TRPM5: variants seen among roughly 807,000 people sequenced by gnomAD.
TRPM5 encodes MLSN1 and TRP-related.
A neutral mutation model predicts 124.9 loss-of-function variants in TRPM5; 121 were observed. The observed-to-expected ratio is 0.97, with a 90% CI of 0.84 to 1.13. The LOEUF (loss-of-function observed/expected upper bound fraction) is 1.13, where lower values mean the gene tolerates loss of function less well. TRPM5 is among the 50% of genes most tolerant of loss of function. The pLI is 0.00. For synonymous variants in TRPM5, 781 were observed against 700.5 expected (o/e 1.11, Z -1.81); for missense variants, 1,643 against 1,589.1 (o/e 1.03, Z -0.58).
At chr11:2,430,941 A>C in the TRPM5 span, among the ~76,000 whole-genome samples, 5 of 150,916 alleles carry the variant, frequency 3.3e-5, no homozygotes, top group Admixed American at 1.3e-4. Context: ...GGTGGTAGTG[A>C]TGATGGTGGT....
At chr11:2,421,122 C>T (rs759154313) in exon 3 of TRPM5, 8 of 1,544,392 alleles carry the variant, frequency 5.2e-6, no homozygotes, top group Non-Finnish European at 7.0e-6. Context: ...ACGTGCTGGC[C>T]AGCGAGTGGT....
At chr11:2,416,625 C>T (rs377717802) in intron 7 of TRPM5, among the ~76,000 whole-genome samples, 10 of 152,068 alleles carry the variant, frequency 6.6e-5, no homozygotes, top group Non-Finnish European at 1.0e-4. Flanking sequence ...AGTTCCTAAA[C>T]GGGGAGGTTT....
At chr11:2,425,655 A>ACCCT (rs56207710), upstream of TRPM5, among the ~76,000 whole-genome samples, 3 of 151,712 alleles carry the variant, frequency 2.0e-5, no homozygotes, top group African/African-American at 2.4e-5. Context: ...GGGGGTCCTC[A>ACCCT]GGCTGGCCTT....
intron 18 of TRPM5, among the ~76,000 whole-genome samples, chr11:2,409,883 A>G (rs1465315787): frequency 6.6e-6 from 1 of 152,090 alleles, no homozygotes; most frequent in Non-Finnish European, 1.5e-5. Flanking sequence ...GCCCCTCGGG[A>G]GTCTGTTTCC....
chr11:2,428,852 G>A, the TRPM5 span, among the ~76,000 whole-genome samples: 2 of 151,506 alleles, frequency 1.3e-5, no homozygotes, highest in African/African-American at 4.9e-5. The surrounding 1 kb of genome is among the most constrained non-coding windows in gnomAD (Gnocchi z 4.0). Flanking sequence ...TGCAGTGGTA[G>A]TGTTGATCAT....
At chr11:2,404,843 G>A in exon 24 of TRPM5, 1 of 1,059,738 alleles carries the variant, frequency 9.4e-7, no homozygotes, top group Non-Finnish European at 1.4e-6. Context: ...GGTGCCCCCT[G>A]GGGGGTTCCG....
chr11:2,419,799 A>T (rs778838878), intron 4 of TRPM5, among the ~76,000 whole-genome samples: 2 of 152,246 alleles, frequency 1.3e-5, no homozygotes, highest in Non-Finnish European at 2.9e-5. Flanking sequence ...GCGACTGGCC[A>T]GAGGTGCCCA....
the TRPM5 span, among the ~76,000 whole-genome samples, chr11:2,443,060 C>T: frequency 6.6e-6 from 1 of 152,110 alleles, no homozygotes; most frequent in Non-Finnish European, 1.5e-5. This position sits in a 1 kb window ranked among gnomAD's most constrained non-coding sequence, Gnocchi z 5.0. Context: ...CTTATTTTAT[C>T]TGTTGCTTTT....
chr11:2,408,928 C>T (rs1420594646), intron 18 of TRPM5, among the ~76,000 whole-genome samples: 2 of 152,220 alleles, frequency 1.3e-5, no homozygotes, highest in Non-Finnish European at 1.5e-5. Flanking sequence ...ATGTGTGAGT[C>T]TGCGTGTGAG....
intron 19 of TRPM5, 56 bp from the exon 25 acceptor site, chr11:2,407,356 C>CCT: frequency 6.6e-7 from 1 of 1,504,570 alleles, no homozygotes; most frequent in Middle Eastern, 2.0e-4. Context: ...ACTTGGGGGA[C>CCT]GCATCCCCCT....
intron 17 of TRPM5, 29 bp downstream of exon 22, chr11:2,411,606 G>A: frequency 6.2e-7 from 1 of 1,605,938 alleles, no homozygotes; most frequent in Non-Finnish European, 8.5e-7. Flanking sequence ...GTCCCTCCAG[G>A]GCCAGGGCCA....
the TRPM5 span, among the ~76,000 whole-genome samples, chr11:2,441,469 T>C: frequency 6.8e-6 from 1 of 146,428 alleles, no homozygotes; most frequent in Non-Finnish European, 1.5e-5. The surrounding 1 kb of genome is among the most constrained non-coding windows in gnomAD (Gnocchi z 7.2). Context: ...TTACCTCACC[T>C]GCGCACCTGG....
chr11:2,440,555 G>C, the TRPM5 span, among the ~76,000 whole-genome samples: 2 of 152,028 alleles, frequency 1.3e-5, no homozygotes, highest in Admixed American at 6.6e-5. This position sits in a 1 kb window ranked among gnomAD's most constrained non-coding sequence, Gnocchi z 5.2. Flanking sequence ...TCCCAGATTT[G>C]CTGAAGGGCC....
At chr11:2,429,446 T>A in the TRPM5 span, among the ~76,000 whole-genome samples, 1 of 151,516 alleles carries the variant, frequency 6.6e-6, no homozygotes, top group Admixed American at 6.6e-5. The surrounding 1 kb of genome is among the most constrained non-coding windows in gnomAD (Gnocchi z 8.4). Context: ...ATTGTGGTGA[T>A]GTTGGTGATG....
chr11:2,425,958 C>T (rs772270405), upstream of TRPM5, among the ~76,000 whole-genome samples: 8 of 152,204 alleles, frequency 5.3e-5, no homozygotes, highest in Non-Finnish European at 1.2e-4. Context: ...AGGGGTCCTA[C>T]AGGGCTCCCT....
exon 9 of TRPM5, chr11:2,415,469 G>C (rs1184096239): frequency 2.6e-6 from 4 of 1,557,730 alleles, no homozygotes; most frequent in Non-Finnish European, 3.5e-6. Context: ...CCAGGTCACA[G>C]GACTTGGCGG....
intron 21 of TRPM5, 159 bp from the exon 27 acceptor site, chr11:2,406,250 C>T (rs567335184): frequency 2.7e-6 from 2 of 753,544 alleles, no homozygotes; most frequent in African/African-American, 3.4e-5. Context: ...ACCAGGACCC[C>T]TCAAAGTGCA....
chr11:2,411,404 G>A (rs750601242), exon 18 of TRPM5: 13 of 1,611,852 alleles, frequency 8.1e-6, no homozygotes, highest in South Asian at 1.1e-5. Flanking sequence ...AGGGCCGGTA[G>A]AGCACCCGGC....
chr11:2,434,346 T>C, the TRPM5 span, among the ~76,000 whole-genome samples: 538 of 150,152 alleles, frequency 3.6e-3, 3 homozygotes, highest in Middle Eastern at 0.018. Context: ...TGTGTGTGTG[T>C]GAATGTGTGT....
Sources: allele counts gnomAD v4.1 joint callset (sites outside exome capture counted in the v4.1 genomes callset), GRCh38; gene constraint gnomAD v4.1.1; non-coding constraint Gnocchi (gnomAD v3.1); transcripts MANE v1.5; gene names NCBI Gene and HGNC (gene_info 2026-07-23, HGNC 2026-07-21).